The following DDR2 variants were observed in gnomAD, a reference collection of about 807,000 sequenced individuals.
The protein encoded by DDR2 is discoidin domain receptor tyrosine kinase 2.
A neutral mutation model predicts 94.9 loss-of-function variants in DDR2; 27 were observed. The observed-to-expected ratio is 0.28, with a 90% CI of 0.21 to 0.39. The LOEUF (loss-of-function observed/expected upper bound fraction) is 0.39, where lower values mean the gene tolerates loss of function less well. DDR2 is among the 10% of genes least tolerant of loss of function. The pLI, the probability that DDR2 is intolerant of heterozygous loss-of-function variation, is 1.00. For synonymous variants in DDR2, 382 were observed against 377.2 expected, an observed-to-expected ratio of 1.01 and a Z score of -0.15; for missense variants, 783 against 1,076.0, an observed-to-expected ratio of 0.73 and a Z score of 3.81.
At chr1:162,752,993 C>A (rs1161896478) in intron 3 of DDR2, 102 bp from the exon 4 acceptor site, 2 of 1,021,684 alleles carry the variant, frequency 2.0e-6, no homozygotes, top group East Asian at 2.6e-5. Flanking sequence ...GATGTAAATT[C>A]TCTTATTCCT....
chr1:162,631,989 A>G (rs1438609604), upstream of DDR2: 1 of 151,950 alleles, frequency 6.6e-6, no homozygotes, highest in African/African-American at 2.4e-5. Context: ...CTAGGCTTTC[A>G]TGGTCAAAAT....
At chr1:162,673,732 TAAAACAAAAC>T (rs145557802) in intron 2 of DDR2, among the ~76,000 whole-genome samples, 7 of 150,848 alleles carry the variant, frequency 4.6e-5, no homozygotes, top group South Asian at 2.1e-4. Context: ...GCACTTTAGT[TAAAACAAAAC>T]AAAACAAAAC....
At chr1:162,773,342 C>G (rs2102189238) in intron 13 of DDR2, 127 bp from the exon 14 acceptor site, 1 of 1,268,072 alleles carries the variant, frequency 7.9e-7, no homozygotes, top group Admixed American at 1.7e-5. Flanking sequence ...CACATATCTT[C>G]TTATTGGTCT....
intron 1 of DDR2, among the ~76,000 whole-genome samples, chr1:162,647,265 T>C (rs1272063361): frequency 2.0e-5 from 3 of 152,148 alleles, no homozygotes; most frequent in African/African-American, 4.8e-5. Flanking sequence ...TTTCTAAAAC[T>C]AAAGTCAATT....
At chr1:162,763,965 A>G (rs374016041) in intron 9 of DDR2, among the ~76,000 whole-genome samples, 2 of 152,236 alleles carry the variant, frequency 1.3e-5, no homozygotes, top group South Asian at 4.1e-4. Flanking sequence ...TAGCAACGTA[A>G]CTATTGAACA....
chr1:162,715,262 T>TG (rs964983493), intron 2 of DDR2, among the ~76,000 whole-genome samples: 1 of 151,994 alleles, frequency 6.6e-6, no homozygotes, highest in East Asian at 1.9e-4. Flanking sequence ...TTGTGTGTGT[T>TG]GGGGGGGAAT....
At chr1:162,780,036 A>T in intron 17 of DDR2, 76 bp from the exon 18 acceptor site, 1 of 1,602,790 alleles carries the variant, frequency 6.2e-7, no homozygotes, top group African/African-American at 1.3e-5. Context: ...TGATGCAAAG[A>T]TACTTCCCTT....
chr1:162,763,999 T>G (rs1426951130), intron 9 of DDR2, among the ~76,000 whole-genome samples: 1 of 152,194 alleles, frequency 6.6e-6, no homozygotes, highest in African/African-American at 2.4e-5. Flanking sequence ...GCAATTCTCT[T>G]TTCTTTGTCC....
At chr1:162,681,187 G>A (rs200354833) in intron 2 of DDR2, among the ~76,000 whole-genome samples, 2 of 152,210 alleles carry the variant, frequency 1.3e-5, no homozygotes, top group East Asian at 1.9e-4. Context: ...GCTTGTTAAC[G>A]TGCACTGTAC....
intron 11 of DDR2, among the ~76,000 whole-genome samples, chr1:162,768,858 G>A (rs1252552811): frequency 6.6e-6 from 1 of 152,322 alleles, no homozygotes; most frequent in East Asian, 1.9e-4. Flanking sequence ...TCGCTGTCAC[G>A]AGTATGTCTC....
At chr1:162,656,958 C>T (rs1658017006) in intron 2 of DDR2, among the ~76,000 whole-genome samples, 1 of 148,520 alleles carries the variant, frequency 6.7e-6, no homozygotes, top group Non-Finnish European at 1.5e-5. Flanking sequence ...TCAAATTATC[C>T]TCCCACCTCA....
At chr1:162,747,725 A>C (rs1662956142) in intron 3 of DDR2, among the ~76,000 whole-genome samples, 1 of 152,206 alleles carries the variant, frequency 6.6e-6, no homozygotes, top group Non-Finnish European at 1.5e-5. Flanking sequence ...GAAATAAAGG[A>C]AAAAACGTTA....
At chr1:162,702,694 C>T (rs1660484674) in intron 2 of DDR2, among the ~76,000 whole-genome samples, 1 of 152,152 alleles carries the variant, frequency 6.6e-6, no homozygotes, top group East Asian at 1.9e-4. Flanking sequence ...TGGTACTGCT[C>T]GTTGTCCAGA....
chr1:162,676,778 A>T (rs1384896608), intron 2 of DDR2, among the ~76,000 whole-genome samples: 3 of 152,170 alleles, frequency 2.0e-5, no homozygotes, highest in Non-Finnish European at 4.4e-5. Context: ...CCTTCCACAG[A>T]TGACGGAAGT....
At chr1:162,637,976 A>G (rs1656920399) in intron 1 of DDR2, among the ~76,000 whole-genome samples, 1 of 152,210 alleles carries the variant, frequency 6.6e-6, no homozygotes, top group Non-Finnish European at 1.5e-5. Flanking sequence ...CATTAACAAG[A>G]GCCCCATCCT....
intron 2 of DDR2, among the ~76,000 whole-genome samples, chr1:162,659,625 A>C (rs1658191804): frequency 6.6e-6 from 1 of 152,200 alleles, no homozygotes. Flanking sequence ...GGGATTCAGC[A>C]CGTGCGTTTT....
chr1:162,707,850 A>G (rs1357287208), intron 2 of DDR2, among the ~76,000 whole-genome samples: 1 of 152,218 alleles, frequency 6.6e-6, no homozygotes, highest in East Asian at 1.9e-4. Context: ...AGTTCTTTAT[A>G]TGCATTATTC....
At chr1:162,675,157 C>CAA (rs746435012) in intron 2 of DDR2, among the ~76,000 whole-genome samples, 39 of 145,636 alleles carry the variant, frequency 2.7e-4, no homozygotes, top group Non-Finnish European at 5.0e-4. Context: ...AACTCCATCT[C>CAA]AAAAAAAAAA....
chr1:162,757,056 G>C (rs142936010), intron 7 of DDR2, among the ~76,000 whole-genome samples: 29 of 152,266 alleles, frequency 1.9e-4, no homozygotes, highest in African/African-American at 7.0e-4. Flanking sequence ...TATGATTCAA[G>C]TATATGAGCA....
Sources: gnomAD v4.1 joint callset for allele counts (sites outside exome capture counted in the v4.1 genomes callset) on GRCh38, gnomAD v4.1.1 for gene constraint, MANE v1.5 for transcripts, NCBI Gene and HGNC (gene_info 2026-07-23, HGNC 2026-07-21) for gene names.